The following DUS2 variants were observed in gnomAD, a reference collection of about 807,000 sequenced individuals.
DUS2 encodes the protein dihydrouridine synthase 2.
DUS2 carries 52 observed loss-of-function variants against 71.3 expected under a neutral mutation model. The ratio of observed to expected loss-of-function variants is 0.73; its 90% confidence interval spans 0.58 to 0.92. DUS2 has a LOEUF of 0.92. DUS2 is among the 40% of genes least tolerant of loss of function. DUS2 has a pLI of 0.00. For missense variants in DUS2, 558 were observed against 622.6 expected (o/e 0.90, Z 1.10); for synonymous variants, 204 against 227.8 (o/e 0.90, Z 0.94).
intron 2 of DUS2, among the ~76,000 whole-genome samples, chr16:68,031,363 C>T (rs1457544603): frequency 6.6e-6 from 1 of 151,750 alleles, no homozygotes; most frequent in Non-Finnish European, 1.5e-5. Flanking sequence ...CGGGGTTTCA[C>T]CATGTTGGCC....
chr16:68,031,083 T>C (rs2033430333), intron 2 of DUS2, among the ~76,000 whole-genome samples: 1 of 152,074 alleles, frequency 6.6e-6, no homozygotes, highest in Non-Finnish European at 1.5e-5. Context: ...GATAAAATGC[T>C]CTGGAAAGAA....
At chr16:68,041,346 G>C (rs1389130743) in intron 3 of DUS2, among the ~76,000 whole-genome samples, 1 of 152,166 alleles carries the variant, frequency 6.6e-6, no homozygotes, top group African/African-American at 2.4e-5. Context: ...CAGTTTTTGG[G>C]AGGTGCTGCA....
At chr16:68,029,289 CTGTTTTTAATTTT>C (rs1040126934) in intron 2 of DUS2, among the ~76,000 whole-genome samples, 11 of 151,246 alleles carry the variant, frequency 7.3e-5, no homozygotes, top group South Asian at 4.2e-4. Flanking sequence ...ATTTTGTTTT[CTGTTTTTAATTTT>C]TGTTTTTAAT....
intron 2 of DUS2, among the ~76,000 whole-genome samples, chr16:68,031,729 C>G (rs915014424): frequency 2.6e-5 from 4 of 151,980 alleles, no homozygotes; most frequent in African/African-American, 4.8e-5. Flanking sequence ...GAATCTCACT[C>G]TGTTGCCCAG....
chr16:68,066,918 A>G (rs968521966), intron 10 of DUS2, among the ~76,000 whole-genome samples: 12 of 152,060 alleles, frequency 7.9e-5, no homozygotes, highest in African/African-American at 2.7e-4. Context: ...TACTATCAGG[A>G]TGTGTAAATG....
intron 4 of DUS2, among the ~76,000 whole-genome samples, chr16:68,050,222 C>G (rs2033759589): frequency 6.6e-6 from 1 of 152,060 alleles, no homozygotes; most frequent in South Asian, 2.1e-4. Flanking sequence ...ACTGCAACCT[C>G]TGCCTCCCAG....
chr16:68,056,949 T>C (rs1368195207), intron 7 of DUS2, among the ~76,000 whole-genome samples: 2 of 142,248 alleles, frequency 1.4e-5, no homozygotes, highest in Non-Finnish European at 3.0e-5. Context: ...TAATTATATG[T>C]AATCTATAAT....
chr16:68,039,442 A>T (rs911704333), intron 3 of DUS2, among the ~76,000 whole-genome samples: 1 of 151,838 alleles, frequency 6.6e-6, no homozygotes, highest in African/African-American at 2.4e-5. Flanking sequence ...TCCTTGAGAC[A>T]GAGTCTCGCT....
Position 68,071,041 on chromosome 16 carries a change from A to T in DUS2, c.743A>T (p.Asn248Ile). 6.2e-7 allele frequency: 1 copy of T among 1,614,156 alleles called. No individual in the cohort carries two copies. The highest frequency in any genetic ancestry group is 8.5e-7 in the Non-Finnish European group (1 of 1,180,032). Reference protein sequence around the residue: ...SVMVARAAMWNPSIFLKEGLR... With the variant: ...SVMVARAAMWIPSIFLKEGLR... ...ATGGTGGCCCGAGCAGCCATGTGGAACCCATCTATCTTCCTCAAGGAGGGT... is the reference window on the plus strand; with the variant it reads ...ATGGTGGCCCGAGCAGCCATGTGGATCCCATCTATCTTCCTCAAGGAGGGT... Residue 248 changes from asparagine (N) to isoleucine (I), a missense_variant, in exon 12 of 17, where the codon AAC becomes ATC. Transcript: ENST00000565263.
intron 15 of DUS2, 176 bp from the exon 16 acceptor site, chr16:68,078,269 G>A (rs1411619935): frequency 6.2e-6 from 4 of 642,076 alleles, no homozygotes; most frequent in South Asian, 5.4e-5. Flanking sequence ...AGGTCATTGT[G>A]TATTTGTGCC....
At chr16:68,051,229 A>G (rs1186674542) in intron 4 of DUS2, among the ~76,000 whole-genome samples, 1 of 152,190 alleles carries the variant, frequency 6.6e-6, no homozygotes, top group Non-Finnish European at 1.5e-5. Flanking sequence ...GCTTCTCATT[A>G]TGCACCGTTG....
chr16:68,030,935 G>A (rs2033428142), intron 2 of DUS2, among the ~76,000 whole-genome samples: 1 of 152,040 alleles, frequency 6.6e-6, no homozygotes, highest in Admixed American at 6.6e-5. Flanking sequence ...GTAGAGATGG[G>A]ATCTTGCTAT....
At chr16:68,070,856 T>C in intron 11 of DUS2, 84 bp from the exon 12 acceptor site, 1 of 1,457,068 alleles carries the variant, frequency 6.9e-7, no homozygotes, top group Non-Finnish European at 9.5e-7. Context: ...TGTTAATCAG[T>C]GGCAGATCTG....
intron 15 of DUS2, chr16:68,078,109 C>T (rs1473386566): frequency 2.9e-6 from 1 of 347,612 alleles, no homozygotes; most frequent in Admixed American, 4.2e-5. Flanking sequence ...TTCTCTGCTC[C>T]TAGCTTGTCC....
chr16:68,029,857 C>A (rs551700008), intron 2 of DUS2, among the ~76,000 whole-genome samples: 1 of 151,612 alleles, frequency 6.6e-6, no homozygotes, highest in South Asian at 2.1e-4. Flanking sequence ...AATCCCAACA[C>A]TTTGGGAGGC....
At chr16:68,078,606 T>C in intron 16 of DUS2, 88 bp downstream of exon 16, 1 of 1,524,978 alleles carries the variant, frequency 6.6e-7, no homozygotes, top group Admixed American at 1.7e-5. Flanking sequence ...CCTAGGAGGG[T>C]TGGGTAGATG....
chr16:68,045,970 G>A (rs1201265404), intron 3 of DUS2, among the ~76,000 whole-genome samples: 1 of 152,060 alleles, frequency 6.6e-6, no homozygotes, highest in Non-Finnish European at 1.5e-5. Context: ...CACCCTCCCC[G>A]GCCTCCCGAA....
chr16:68,068,196 T>C (rs984522381), intron 10 of DUS2, among the ~76,000 whole-genome samples: 60 of 152,356 alleles, frequency 3.9e-4, no homozygotes, highest in Non-Finnish European at 6.8e-4. Context: ...GTGATGTTCC[T>C]TTGGGCTTAG....
At chr16:68,056,472 G>T (rs1020460085) in intron 7 of DUS2, 48 bp downstream of exon 7, 16 of 1,500,636 alleles carry the variant, frequency 1.1e-5, no homozygotes, top group Non-Finnish European at 1.3e-5. Flanking sequence ...TGCAGATTAA[G>T]AGGCTGACAA....
Sources: gnomAD v4.1 joint callset for allele counts (sites outside exome capture counted in the v4.1 genomes callset) on GRCh38, gnomAD v4.1.1 for gene constraint, MANE v1.5 for transcripts, NCBI Gene and HGNC (gene_info 2026-07-23, HGNC 2026-07-21) for gene names.